Variants in LEKR1 observed in about 807,000 individuals in gnomAD.
LEKR1 encodes protein LEKR1.
LEKR1 carries 59 observed loss-of-function variants against 72.4 expected under a neutral mutation model. The ratio of observed to expected loss-of-function variants is 0.82; its 90% CI spans 0.66 to 1.01. The LOEUF (loss-of-function observed/expected upper bound fraction) is 1.01. LEKR1 is among the 50% of genes least tolerant of loss of function. The pLI is 0.00. For synonymous variants in LEKR1, 257 were observed against 263.2 expected, an observed-to-expected ratio of 0.98 and a Z score of 0.23; for missense variants, 728 against 759.2, an observed-to-expected ratio of 0.96 and a Z score of 0.48.
chr3:156,909,399 C>T (rs1181589704), intron 3 of LEKR1, among the ~76,000 whole-genome samples: 1 of 152,008 alleles, frequency 6.6e-6, no homozygotes, highest in African/African-American at 2.4e-5. Flanking sequence ...TGCCTGCAAT[C>T]CCAGTACTTT....
intron 9 of LEKR1, among the ~76,000 whole-genome samples, chr3:157,009,072 T>A (rs1732691785): frequency 6.6e-6 from 1 of 152,214 alleles, no homozygotes; most frequent in South Asian, 2.1e-4. Context: ...AAGCTATTTA[T>A]CTTTTGTTAC....
At chr3:156,902,504 G>A (rs1009736115) in intron 3 of LEKR1, among the ~76,000 whole-genome samples, 1 of 151,710 alleles carries the variant, frequency 6.6e-6, no homozygotes, top group East Asian at 1.9e-4. Context: ...TATTATTCAG[G>A]GTATTTAGCT....
rs762894599 is a variant in LEKR1 at position 156,992,710 on chromosome 3, A to T, written c.885A>T (p.Glu295Asp). 21 of 1,041,258 alleles carry T rather than the reference A, an allele frequency of 2.0e-5. No homozygotes were observed. In the South Asian group the frequency reaches 4.1e-4, roughly 20 times the overall value. The allele number at this position is 1,041,258 out of a possible 1,614,324, so 64.5% of individuals were successfully genotyped here. A position where few individuals can be genotyped will look rare whatever the true frequency, so the allele number is the denominator to read the frequency against. Reference protein sequence around the residue: ...CQRELKKLKFESIISESQHTM... With the variant: ...CQRELKKLKFDSIISESQHTM... ...GAGAACTTAAAAAACTGAAGTTTGA[A>T]TCCATTATTTCTGAGTCACAGTATG... The change falls in exon 8 of 13, where the codon GAA (glutamate) becomes GAT (aspartate). Residue 295 changes from glutamate (E) to aspartate (D), a missense_variant. By Grantham distance (45) the Glu-to-Asp change is conservative. Coordinates refer to ENST00000356539, the MANE Select transcript of LEKR1 (RefSeq NM_001004316.3).
intron 3 of LEKR1, among the ~76,000 whole-genome samples, chr3:156,856,975 C>T (rs1204940521): frequency 6.6e-6 from 1 of 151,900 alleles, no homozygotes; most frequent in Non-Finnish European, 1.5e-5. Context: ...TAGAATGCAT[C>T]TTTATATTTA....
At chr3:156,832,832 G>A (rs139052710) in intron 2 of LEKR1, among the ~76,000 whole-genome samples, 4,469 of 152,286 alleles carry the variant, frequency 0.029, 92 homozygotes, top group Non-Finnish European at 0.043. Flanking sequence ...GTTACTCAAA[G>A]CAGCCTGAAA....
intron 3 of LEKR1, among the ~76,000 whole-genome samples, chr3:156,904,514 C>T (rs114252107): frequency 6.6e-6 from 1 of 150,690 alleles, no homozygotes; most frequent in South Asian, 2.1e-4. Flanking sequence ...GGCTGGAGTG[C>T]GATGGCATGA....
chr3:156,908,650 T>G (rs899583027), intron 3 of LEKR1, among the ~76,000 whole-genome samples: 1 of 152,196 alleles, frequency 6.6e-6, no homozygotes, highest in Non-Finnish European at 1.5e-5. Flanking sequence ...TCTTGAAGTT[T>G]TCTTGCCTCA....
intron 6 of LEKR1, among the ~76,000 whole-genome samples, chr3:156,975,877 A>C (rs1256459133): frequency 6.6e-6 from 1 of 152,140 alleles, no homozygotes; most frequent in Non-Finnish European, 1.5e-5. Context: ...TTTTGTAGGC[A>C]TTTAGGGCCT....
intron 10 of LEKR1, among the ~76,000 whole-genome samples, chr3:157,021,132 T>A (rs1471212121): frequency 6.6e-6 from 1 of 152,082 alleles, no homozygotes; most frequent in Non-Finnish European, 1.5e-5. Flanking sequence ...GGTTGTTTGT[T>A]TTTTTCTTGT....
intron 3 of LEKR1, among the ~76,000 whole-genome samples, chr3:156,919,792 G>A (rs1724020255): frequency 6.6e-6 from 1 of 152,090 alleles, no homozygotes; most frequent in Admixed American, 6.6e-5. Flanking sequence ...GACGTTGTGA[G>A]TTAGTGTTAC....
At chr3:156,976,057 T>C (rs1729661025) in intron 6 of LEKR1, among the ~76,000 whole-genome samples, 1 of 152,172 alleles carries the variant, frequency 6.6e-6, no homozygotes, top group Non-Finnish European at 1.5e-5. Flanking sequence ...CAGCTTATCC[T>C]AATGGTGTTT....
rs935915994 is a variant in LEKR1 at position 156,942,325 on chromosome 3, A to C, written c.560-204A>C. On this transcript the variant is annotated intron_variant, in intron 5 of 12. Transcript: ENST00000356539. ...AAAATACTGTTAAAAGATTTCATGC[A>C]TCATGTAGCAATAAAACTTTTTTTA... is the stretch of plus-strand genomic sequence containing the variant. 2.6e-5 allele frequency among the ~76,000 whole-genome samples: 4 copies of C among 152,164 alleles called. 1 individual carries two copies. The South Asian group carries it at 8.3e-4, about 32-fold the overall frequency.
chr3:156,980,025 A>G (rs1185662166), intron 7 of LEKR1: 1 of 152,184 alleles, frequency 6.6e-6, no homozygotes, highest in Non-Finnish European at 1.5e-5. Flanking sequence ...AAATGAATAA[A>G]TAAGTAAAAA....
intron 9 of LEKR1, among the ~76,000 whole-genome samples, chr3:157,009,857 A>T (rs1732749417): frequency 6.6e-6 from 1 of 152,116 alleles, no homozygotes; most frequent in Non-Finnish European, 1.5e-5. Context: ...TAGAATATTC[A>T]TAGTAAATTA....
In LEKR1 at chr3:156,828,307, C is replaced by T. The variant is rs545284227; in HGVS notation, c.-44-979C>T. On this transcript the variant is annotated intron_variant, in intron 1 of 12. Coordinates refer to ENST00000356539, the MANE Select transcript of LEKR1 (RefSeq NM_001004316.3). ...TTTCCCTGCTACCTTGCTGTATGGC[C>T]GGGGTTGCTCTCTCTGATAGAGTAC... is the stretch of plus-strand genomic sequence containing the variant. Among the ~76,000 whole-genome samples the T allele has an allele frequency of 5.1e-4, 78 of 152,294 alleles. 1 individual carries two copies. The Middle Eastern group carries it at 0.01, about 20-fold the overall frequency.
At chr3:157,026,868 A>G (rs1734225581) in intron 11 of LEKR1, among the ~76,000 whole-genome samples, 2 of 152,196 alleles carry the variant, frequency 1.3e-5, no homozygotes, top group South Asian at 4.1e-4. Context: ...AAACAAGAGG[A>G]CTTTTCCCTT....
intron 10 of LEKR1, among the ~76,000 whole-genome samples, chr3:157,016,072 G>T (rs1006100772): frequency 2.0e-5 from 3 of 151,934 alleles, no homozygotes; most frequent in African/African-American, 7.3e-5. Context: ...ACCTCAGAAA[G>T]AACATCAGTG....
Position 157,045,568 on chromosome 3 carries a change from A to C in LEKR1, c.1897A>C (p.Ile633Leu). ...ACTGAACTCTGAAAAAGGAATCCAA[A>C]TTCCCAACCTGCGCGGGGTGTCAAA... ...ARLNSEKGIQ[I>L]PNLRGVSKPT... The change falls in exon 13 of 13, where the codon ATT becomes CTT. Residue 633 changes from isoleucine (I) to leucine (L), a missense_variant. Ile to Leu is a conservative substitution (Grantham distance 5, BLOSUM62 2). Transcript: ENST00000356539. 6.2e-7 allele frequency: 1 copy of C among 1,614,092 alleles called. No homozygotes were observed. The highest frequency in any genetic ancestry group is 1.3e-5 in the African/African-American group (1 of 75,026).
At chr3:157,003,918 G>A (rs1236067769) in intron 9 of LEKR1, among the ~76,000 whole-genome samples, 1 of 151,992 alleles carries the variant, frequency 6.6e-6, no homozygotes, top group Non-Finnish European at 1.5e-5. Context: ...AGAAAGAAGG[G>A]AAAGGGAAGA....
Sources: allele counts gnomAD v4.1 joint callset (sites outside exome capture counted in the v4.1 genomes callset), GRCh38; gene constraint gnomAD v4.1.1; transcripts MANE v1.5; gene names NCBI Gene and HGNC (gene_info 2026-07-23, HGNC 2026-07-21).